SH3BP5: variants seen among roughly 807,000 people sequenced by gnomAD.
The protein encoded by SH3BP5 is SH3 domain-binding protein 5.
In SH3BP5, 22 loss-of-function variants were observed where a neutral mutation model predicts 43.3. The observed-to-expected ratio is 0.51, with a 90% confidence interval of 0.36 to 0.73. SH3BP5 has a LOEUF of 0.73. SH3BP5 is among the 30% of genes least tolerant of loss of function. The pLI, the probability that SH3BP5 is intolerant of heterozygous loss-of-function variation, is 0.00. For missense variants in SH3BP5, 529 were observed against 586.9 expected (o/e 0.90, Z 1.02); for synonymous variants, 255 against 225.8 (o/e 1.13, Z -1.16).
chr3:15,300,121 T>C (rs1697694938), intron 3 of SH3BP5, among the ~76,000 whole-genome samples: 1 of 152,196 alleles, frequency 6.6e-6, no homozygotes, highest in Non-Finnish European at 1.5e-5. Context: ...ATGACTATCA[T>C]GTAATTATCA....
At chr3:15,337,084 G>GTTTTTTTTTTTTTTT (rs374056927), upstream of SH3BP5, among the ~76,000 whole-genome samples, 2 of 100,118 alleles carry the variant, frequency 2.0e-5, no homozygotes, top group African/African-American at 4.0e-5. Context: ...TTTTAGTTTA[G>GTTTTTTTTTTTTTTT]TTTTTTTTTT....
At chr3:15,296,341 T>TACACACACACACACAC (rs141504303) in intron 3 of SH3BP5, among the ~76,000 whole-genome samples, 54 of 146,256 alleles carry the variant, frequency 3.7e-4, no homozygotes, top group African/African-American at 1.3e-3. Context: ...GGAAATCATA[T>TACACACACACACACAC]ACACACACAC....
chr3:15,290,017 G>C (rs1393560781), intron 3 of SH3BP5, among the ~76,000 whole-genome samples: 2 of 152,294 alleles, frequency 1.3e-5, no homozygotes, highest in South Asian at 4.2e-4. Flanking sequence ...ACTTTCTCTG[G>C]GGTGTGGTGC....
rs1309522195 is a variant in SH3BP5 at position 15,255,618 on chromosome 3, CTTAATACTTGAG to C, written c.*456_*467del. The C allele has an allele frequency of 6.5e-6, 1 of 152,980 alleles. No homozygotes were observed. The allele number at this position is 152,980 out of a possible 1,614,324, so 9.5% of individuals were successfully genotyped here. A position where few individuals can be genotyped will look rare whatever the true frequency, so the allele number is the denominator to read the frequency against. ...CTCCACTGGGTCAAAAATATGTGCT[CTTAATACTTGAG>C]TTTTTGCTTTGTGTGTGGGTTTTCT... On this transcript the variant is annotated 3_prime_UTR_variant, in exon 9 of 9. Coordinates refer to ENST00000383791, the MANE Select transcript of SH3BP5 (RefSeq NM_004844.5).
chr3:15,281,810 C>T (rs1697137662), intron 3 of SH3BP5, among the ~76,000 whole-genome samples: 1 of 152,168 alleles, frequency 6.6e-6, no homozygotes, highest in South Asian at 2.1e-4. Flanking sequence ...CGAGATCAGC[C>T]TGGCCAACAT....
intron 3 of SH3BP5, among the ~76,000 whole-genome samples, chr3:15,300,337 G>A (rs1197977246): frequency 6.6e-6 from 1 of 152,084 alleles, no homozygotes; most frequent in East Asian, 1.9e-4. Context: ...AGATAGCCAG[G>A]GCTGTTCCCT....
At chr3:15,265,392 T>C (rs1217607758) in intron 4 of SH3BP5, among the ~76,000 whole-genome samples, 1 of 152,094 alleles carries the variant, frequency 6.6e-6, no homozygotes, top group Non-Finnish European at 1.5e-5. Flanking sequence ...GGTTGGTGCC[T>C]GTAGTCCCAG....
intron 3 of SH3BP5, among the ~76,000 whole-genome samples, chr3:15,274,865 T>C (rs1696920446): frequency 6.6e-6 from 1 of 152,126 alleles, no homozygotes; most frequent in Non-Finnish European, 1.5e-5. Flanking sequence ...CTACACACTT[T>C]TAAACCAGAT....
intron 4 of SH3BP5, 38 bp downstream of exon 4, chr3:15,269,675 G>T: frequency 6.7e-7 from 1 of 1,493,100 alleles, no homozygotes; most frequent in Non-Finnish European, 9.0e-7. Flanking sequence ...GCGCATGCAC[G>T]CGCACACCCC....
chr3:15,290,525 C>CAAA (rs3031239), intron 3 of SH3BP5, among the ~76,000 whole-genome samples: 9 of 56,298 alleles, frequency 1.6e-4, no homozygotes, highest in African/African-American at 5.7e-4. Flanking sequence ...GACTCTGTCC[C>CAAA]AAAAAAAAAA....
chr3:15,256,033 T>C lies in SH3BP5; in HGVS notation c.*53A>G, dbSNP rs1291814330. On this transcript the variant is annotated 3_prime_UTR_variant, in exon 9 of 9. Coordinates refer to ENST00000383791, the MANE Select transcript of SH3BP5 (RefSeq NM_004844.5). Reference sequence around the variant, plus strand: ...TTAAATGATTATTGGCACAATGTTCTCCAGTTCCATGTATAAATGTTGATA... The same window carrying C: ...TTAAATGATTATTGGCACAATGTTCCCCAGTTCCATGTATAAATGTTGATA... 8 of 1,376,116 alleles carry C rather than the reference T, an allele frequency of 5.8e-6. No individual in the cohort carries two copies. The highest frequency in any genetic ancestry group is 4.3e-5 in the African/African-American group (3 of 70,120). The allele number at this position is 1,376,116 out of a possible 1,614,324, so 85.2% of individuals were successfully genotyped here.
intron 2 of SH3BP5, among the ~76,000 whole-genome samples, chr3:15,307,677 C>T (rs1440565276): frequency 6.6e-6 from 1 of 152,188 alleles, no homozygotes. Flanking sequence ...AGGGAGTTTC[C>T]CAGAGGCGAG....
At chr3:15,266,950 A>C (rs1208228116) in intron 4 of SH3BP5, among the ~76,000 whole-genome samples, 22 of 152,248 alleles carry the variant, frequency 1.4e-4, no homozygotes, top group Admixed American at 1.4e-3. Flanking sequence ...GTGTAGTCCA[A>C]GCCACTGCCA....
intron 2 of SH3BP5, among the ~76,000 whole-genome samples, chr3:15,326,334 C>A (rs147188183): frequency 6.6e-6 from 1 of 152,136 alleles, no homozygotes; most frequent in Non-Finnish European, 1.5e-5. Flanking sequence ...AAATGTGGGC[C>A]TCAGGAGCAA....
chr3:15,338,182 A>G (rs1447857883), intron 1 of SH3BP5, among the ~76,000 whole-genome samples: 1 of 151,964 alleles, frequency 6.6e-6, no homozygotes, highest in Non-Finnish European at 1.5e-5. Context: ...TGTCTACCAA[A>G]AAATACAAAA....
At chr3:15,304,391 A>C in intron 2 of SH3BP5, 160 bp from the exon 3 acceptor site, 1 of 1,125,428 alleles carries the variant, frequency 8.9e-7, no homozygotes, top group Non-Finnish European at 1.3e-6. Context: ...GCACCGCCCA[A>C]AACAGCTTCC....
chr3:15,332,177 T>C, intron 1 of SH3BP5, 94 bp downstream of exon 1: 1 of 1,525,540 alleles, frequency 6.6e-7, no homozygotes, highest in Non-Finnish European at 8.8e-7. Context: ...CGGACCACAG[T>C]TACTGGGGGC....
At chr3:15,338,654 T>A (rs144756190) in intron 1 of SH3BP5, among the ~76,000 whole-genome samples, 1 of 151,338 alleles carries the variant, frequency 6.6e-6, no homozygotes, top group East Asian at 1.9e-4. Context: ...CAGTGTGGGG[T>A]GGGGAGGGAC....
intron 3 of SH3BP5, among the ~76,000 whole-genome samples, chr3:15,299,799 G>A (rs1257907544): frequency 6.8e-6 from 1 of 147,046 alleles, no homozygotes; most frequent in Non-Finnish European, 1.5e-5. Flanking sequence ...TGAGACACTG[G>A]ATATTCCAGT....
Sources: gnomAD v4.1 joint callset for allele counts (sites outside exome capture counted in the v4.1 genomes callset) on GRCh38, gnomAD v4.1.1 for gene constraint, MANE v1.5 for transcripts, NCBI Gene and HGNC (gene_info 2026-07-23, HGNC 2026-07-21) for gene names.